Variants in PTPRN2 observed in about 807,000 individuals in gnomAD.
PTPRN2 encodes the protein protein tyrosine phosphatase receptor type N2.
In PTPRN2, 74 loss-of-function variants were observed where a neutral mutation model predicts 118.8. The ratio of observed to expected loss-of-function variants is 0.62; its 90% CI spans 0.52 to 0.76. The LOEUF (loss-of-function observed/expected upper bound fraction) is 0.76. PTPRN2 is among the 30% of genes least tolerant of loss of function. The pLI, the probability that PTPRN2 is intolerant of heterozygous loss-of-function variation, is 0.00. For synonymous variants in PTPRN2, 641 were observed against 608.0 expected (o/e 1.05, Z -0.80); for missense variants, 1,481 against 1,394.4 (o/e 1.06, Z -0.99).
intron 2 of PTPRN2, among the ~76,000 whole-genome samples, chr7:158,326,743 C>G (rs548594392): frequency 6.6e-6 from 1 of 150,656 alleles, no homozygotes; most frequent in South Asian, 2.1e-4. Flanking sequence ...CACACACATG[C>G]ACATTCTCAC....
intron 1 of PTPRN2, among the ~76,000 whole-genome samples, chr7:158,553,122 C>T (rs73510577): frequency 1.3e-5 from 2 of 152,286 alleles, no homozygotes; most frequent in African/African-American, 4.8e-5. Context: ...CACCACCTTC[C>T]CCATGTACAC....
chr7:157,618,859 T>G lies in PTPRN2; in HGVS notation c.2344+2503A>C, dbSNP rs1319897366. The G allele has an allele frequency of 1.3e-5, 2 of 152,330 alleles. No individual in the cohort carries two copies. The highest frequency in any genetic ancestry group is 4.8e-5 in the African/African-American group (2 of 41,562). 9.4% of individuals were successfully genotyped at this position (152,330 alleles called of 1,614,324 possible). A position where few individuals can be genotyped will look rare whatever the true frequency, so the allele number is the denominator to read the frequency against. Reference sequence around the variant, plus strand: ...CAACCCTGAAGGGCAGTGCTGTGTCTTCACACCCTGGCACATGGGTCGGGA... The same window carrying G: ...CAACCCTGAAGGGCAGTGCTGTGTCGTCACACCCTGGCACATGGGTCGGGA... On this transcript the variant is annotated intron_variant, in intron 15 of 22. Transcript: ENST00000389418. The surrounding 1 kb of genome is among the most constrained non-coding windows in gnomAD (Gnocchi z 4.2).
At chr7:157,573,900 C>T (rs541821543) in intron 19 of PTPRN2, among the ~76,000 whole-genome samples, 5 of 152,290 alleles carry the variant, frequency 3.3e-5, no homozygotes, top group South Asian at 2.1e-4. Flanking sequence ...CAAAAACCCA[C>T]GGGCAGTCAA....
chr7:158,441,758 G>A (rs1247619465), intron 2 of PTPRN2, among the ~76,000 whole-genome samples: 13 of 141,954 alleles, frequency 9.2e-5, no homozygotes, highest in African/African-American at 3.0e-4. Context: ...GATAGTGATA[G>A]TGATGGTCAT....
rs1491158098 is a variant in PTPRN2, at chr7:158,071,249, T to TG, written c.1723+10048_1723+10049insC. On this transcript the variant is annotated intron_variant, in intron 11 of 22. Transcript: ENST00000389418. Reference sequence around the variant, plus strand: ...CCCGTGGTGGTGGAGGTGCTCGTAGTATGGAGGTGCCCGTGGTGGTGGAGG... The same window carrying TG: ...CCCGTGGTGGTGGAGGTGCTCGTAGTGATGGAGGTGCCCGTGGTGGTGGAGG... 7.2e-4 allele frequency among the ~76,000 whole-genome samples: 33 copies of TG among 45,562 alleles called. 6 individuals are homozygous for TG. The highest frequency in any genetic ancestry group is 1.6e-3 in the Admixed American group (5 of 3,210). The allele number at this position is 45,562 out of a possible 152,430, so 29.9% of individuals were successfully genotyped here.
chr7:158,082,843 T>C (rs1432776845), intron 10 of PTPRN2, among the ~76,000 whole-genome samples: 1 of 152,204 alleles, frequency 6.6e-6, no homozygotes, highest in Non-Finnish European at 1.5e-5. Flanking sequence ...AAAATGTCCT[T>C]GGAAGCCGCC....
At chr7:158,543,129 G>T (rs559665683) in intron 1 of PTPRN2, among the ~76,000 whole-genome samples, 5 of 152,230 alleles carry the variant, frequency 3.3e-5, no homozygotes, top group Admixed American at 1.3e-4. Flanking sequence ...CTTTAAAAAG[G>T]CTGCTCTTGT....
At chr7:158,270,535 GC>G (rs1798242842) in intron 3 of PTPRN2, among the ~76,000 whole-genome samples, 1 of 152,088 alleles carries the variant, frequency 6.6e-6, no homozygotes, top group South Asian at 2.1e-4. Context: ...ACCAGGCCAG[GC>G]CCCCTGCAGT....
At chr7:157,701,405 A>G (rs1343761593) in intron 12 of PTPRN2, among the ~76,000 whole-genome samples, 1 of 152,224 alleles carries the variant, frequency 6.6e-6, no homozygotes, top group East Asian at 1.9e-4. Context: ...TTTGAATAGT[A>G]ATTCAATAAT....
intron 2 of PTPRN2, among the ~76,000 whole-genome samples, chr7:158,372,634 G>GTCCCCACCACGCTGGTTCCCGGAGCTGA (rs1810160351): frequency 6.7e-6 from 1 of 149,824 alleles, no homozygotes; most frequent in Non-Finnish European, 1.5e-5. Context: ...CCCGGAGCTG[G>GTCCCCACCACGCTGGTTCCCGGAGCTGA]TCCCCACCAC....
intron 17 of PTPRN2, among the ~76,000 whole-genome samples, chr7:157,592,585 CCAA>C (rs1801046338): frequency 7.4e-6 from 1 of 134,352 alleles, no homozygotes; most frequent in Non-Finnish European, 1.6e-5. Context: ...ACCTGCTGAA[CCAA>C]GGGTGGATGT....
intron 1 of PTPRN2, among the ~76,000 whole-genome samples, chr7:158,528,359 A>C (rs1347629822): frequency 6.6e-6 from 1 of 152,168 alleles, no homozygotes; most frequent in Non-Finnish European, 1.5e-5. Flanking sequence ...CAGGCCACTC[A>C]ATCACTCCCC....
In PTPRN2 at chr7:157,716,159, G is replaced by A. The variant is rs545027219; in HGVS notation, c.1789-33222C>T. Reference sequence around the variant, plus strand: ...GTGGTGCCAGGACACTGTGGGCATCGCCTTGGGCTGAAAAAGGGGGCTGTG... The same window carrying A: ...GTGGTGCCAGGACACTGTGGGCATCACCTTGGGCTGAAAAAGGGGGCTGTG... On this transcript the variant is annotated intron_variant, in intron 12 of 22. Coordinates refer to ENST00000389418, the MANE Select transcript of PTPRN2 (RefSeq NM_002847.5). Among the ~76,000 whole-genome samples, 28 of 152,004 alleles carry A rather than the reference G, an allele frequency of 1.8e-4. No individual in the cohort carries two copies. In the South Asian group the frequency reaches 4.8e-3, roughly 26 times the overall value.
At chr7:158,359,672 C>T (rs1365767265) in intron 2 of PTPRN2, among the ~76,000 whole-genome samples, 1 of 152,166 alleles carries the variant, frequency 6.6e-6, no homozygotes, top group Non-Finnish European at 1.5e-5. Context: ...TTTAAAAACC[C>T]AGCCTCAGCA....
chr7:157,963,772 G>A (rs947897338), intron 11 of PTPRN2, among the ~76,000 whole-genome samples: 18 of 152,332 alleles, frequency 1.2e-4, no homozygotes, highest in South Asian at 4.1e-4. Flanking sequence ...TAGTCCACCC[G>A]GGAGATGCCA....
At chr7:158,019,055 C>G (rs538635969) in intron 11 of PTPRN2, among the ~76,000 whole-genome samples, 1 of 150,732 alleles carries the variant, frequency 6.6e-6, no homozygotes, top group East Asian at 2.0e-4. Flanking sequence ...TAGAAACTCA[C>G]TCTAACGTGA....
chr7:158,125,543 C>T lies in PTPRN2; in HGVS notation c.1556+8134G>A, dbSNP rs576573803. Among the ~76,000 whole-genome samples the T allele has an allele frequency of 5.9e-5, 9 of 152,314 alleles. No individual in the cohort carries two copies. In the South Asian group the frequency reaches 1.4e-3, roughly 25 times the overall value. ...TCTTCTCTTCTAATGTACAAGCAAC[C>T]GTGAACATGTTTACCCATCGGGGCT... On this transcript the variant is annotated intron_variant, in intron 9 of 22. Transcript: ENST00000389418.
At chr7:157,851,726 A>T (rs964455530) in intron 12 of PTPRN2, among the ~76,000 whole-genome samples, 2 of 152,232 alleles carry the variant, frequency 1.3e-5, no homozygotes, top group African/African-American at 4.8e-5. Context: ...GGCCGTGTGG[A>T]GGCAAAGAGC....
intron 1 of PTPRN2, chr7:158,539,980 A>G (rs1825888949): frequency 4.6e-6 from 1 of 215,448 alleles, no homozygotes; most frequent in Non-Finnish European, 9.3e-6. Context: ...GGAGCTGATG[A>G]CAGCTGGGGA....
Sources: gnomAD v4.1 joint callset for allele counts (sites outside exome capture counted in the v4.1 genomes callset) on GRCh38, gnomAD v4.1.1 for gene constraint, Gnocchi (gnomAD v3.1) non-coding constraint, MANE v1.5 for transcripts, NCBI Gene and HGNC (gene_info 2026-07-23, HGNC 2026-07-21) for gene names.